The following ARB2A variants were observed in gnomAD, a reference collection of about 807,000 sequenced individuals.
The protein encoded by ARB2A is ARB2 cotranscriptional regulator A, also known as cotranscriptional regulator ARB2A.
chr5:93,620,762 A>T, the ARB2A span: 8 of 460,786 alleles, frequency 1.7e-5, no homozygotes, highest in Admixed American at 1.8e-4. Context: ...GGCAGCGCTC[A>T]GCCCGCGCTC....
the ARB2A span, among the ~76,000 whole-genome samples, chr5:94,052,338 A>G: frequency 1.3e-5 from 2 of 152,244 alleles, no homozygotes; most frequent in Admixed American, 6.5e-5. Context: ...AAGTATAAAA[A>G]TTAATATCAG....
At chr5:93,837,718 T>C in the ARB2A span, among the ~76,000 whole-genome samples, 1 of 152,196 alleles carries the variant, frequency 6.6e-6, no homozygotes, top group African/African-American at 2.4e-5. Context: ...TGCTGTGAGA[T>C]GGCATCTCAG....
At chr5:93,742,538 AAG>A in the ARB2A span, among the ~76,000 whole-genome samples, 1 of 152,194 alleles carries the variant, frequency 6.6e-6, no homozygotes, top group Non-Finnish European at 1.5e-5. Context: ...GGGAGGGAGA[AAG>A]AGAGGCTCTG....
the ARB2A span, chr5:93,739,115 C>T: frequency 6.6e-6 from 1 of 152,078 alleles, no homozygotes; most frequent in East Asian, 1.9e-4. Context: ...ATCTGCCTGC[C>T]TTGGTCTCCC....
the ARB2A span, among the ~76,000 whole-genome samples, chr5:93,988,598 T>A: frequency 6.6e-6 from 1 of 152,184 alleles, no homozygotes; most frequent in Admixed American, 6.5e-5. Flanking sequence ...CAAGCTCTGT[T>A]TTTGACACCA....
chr5:93,984,644 A>G, the ARB2A span, among the ~76,000 whole-genome samples: 259 of 152,282 alleles, frequency 1.7e-3, 1 homozygote, highest in Non-Finnish European at 4.3e-4. Context: ...TTGCCAATGA[A>G]TTCTGTGCCC....
the ARB2A span, among the ~76,000 whole-genome samples, chr5:93,701,803 G>A: frequency 6.6e-6 from 1 of 152,032 alleles, no homozygotes; most frequent in African/African-American, 2.4e-5. Flanking sequence ...TCTTTTGGGG[G>A]GAATTTGCTA....
chr5:93,692,851 T>A, the ARB2A span, among the ~76,000 whole-genome samples: 1 of 152,048 alleles, frequency 6.6e-6, no homozygotes. Flanking sequence ...TAACGAACAC[T>A]CTCTCAGACC....
At chr5:93,835,346 C>A in the ARB2A span, among the ~76,000 whole-genome samples, 1 of 152,202 alleles carries the variant, frequency 6.6e-6, no homozygotes, top group Non-Finnish European at 1.5e-5. Context: ...GCATTTCTCC[C>A]TTTGAGACTG....
chr5:93,639,654 T>C, the ARB2A span, among the ~76,000 whole-genome samples: 1 of 152,118 alleles, frequency 6.6e-6, no homozygotes, highest in South Asian at 2.1e-4. Flanking sequence ...TATGAGAACA[T>C]GTAAGATGGG....
At chr5:93,830,309 GTGTA>G in the ARB2A span, among the ~76,000 whole-genome samples, 4 of 49,658 alleles carry the variant, frequency 8.1e-5, no homozygotes, top group African/African-American at 3.7e-4. Flanking sequence ...ATGTGTGTGT[GTGTA>G]TATATATATA....
chr5:93,814,006 T>C, the ARB2A span, among the ~76,000 whole-genome samples: 1 of 152,312 alleles, frequency 6.6e-6, no homozygotes, highest in South Asian at 2.1e-4. Context: ...TAACAGCGCT[T>C]CTAAGTGTTC....
the ARB2A span, among the ~76,000 whole-genome samples, chr5:94,098,694 T>A: frequency 2.0e-5 from 3 of 151,544 alleles, no homozygotes; most frequent in East Asian, 5.8e-4. Context: ...AACTAAGGAG[T>A]TGATTTTTTG....
chr5:94,022,993 C>T, the ARB2A span, among the ~76,000 whole-genome samples: 1 of 152,222 alleles, frequency 6.6e-6, no homozygotes, highest in Non-Finnish European at 1.5e-5. Context: ...ATCACCTCAA[C>T]ACTCATTTCC....
the ARB2A span, among the ~76,000 whole-genome samples, chr5:94,101,014 G>GA: frequency 1.1e-4 from 17 of 151,754 alleles, no homozygotes; most frequent in Admixed American, 5.2e-4. Context: ...TACAGAATGG[G>GA]AAAAAAAATC....
At chr5:94,070,458 A>G in the ARB2A span, among the ~76,000 whole-genome samples, 2 of 152,146 alleles carry the variant, frequency 1.3e-5, no homozygotes, top group Non-Finnish European at 2.9e-5. Context: ...ACAAAGTATT[A>G]TATATTTCAA....
At chr5:93,925,983 C>T in the ARB2A span, among the ~76,000 whole-genome samples, 3 of 152,072 alleles carry the variant, frequency 2.0e-5, no homozygotes, top group East Asian at 5.8e-4. Context: ...ATAAGTGTAC[C>T]TTTACAATAT....
chr5:93,621,697 C>T, the ARB2A span, among the ~76,000 whole-genome samples: 1 of 152,224 alleles, frequency 6.6e-6, no homozygotes. Flanking sequence ...TTTCTTGCGT[C>T]TCCCGGAAGC....
At chr5:93,743,586 T>G in the ARB2A span, 5 of 983,958 alleles carry the variant, frequency 5.1e-6, no homozygotes, top group Non-Finnish European at 6.0e-6. Flanking sequence ...CCAAACGGAA[T>G]GAAAGCTGGA....
Sources: gnomAD v4.1 joint callset for allele counts (sites outside exome capture counted in the v4.1 genomes callset) on GRCh38, gnomAD v4.1.1 for gene constraint, MANE v1.5 for transcripts, NCBI Gene and HGNC (gene_info 2026-07-23, HGNC 2026-07-21) for gene names.